KLHL1: variants seen among roughly 807,000 people sequenced by gnomAD.
KLHL1 encodes kelch like family member 1.
In KLHL1, 47 loss-of-function variants were observed where a neutral mutation model predicts 77.7. That is an observed-to-expected ratio of 0.60 (90% CI 0.48 to 0.77). The LOEUF (loss-of-function observed/expected upper bound fraction) is 0.77, where lower values mean the gene tolerates loss of function less well. Ranked by LOEUF, KLHL1 falls within the 30% of genes least tolerant of loss-of-function variation. The pLI is 0.00. For missense variants in KLHL1, 925 were observed against 910.8 expected (o/e 1.02, Z -0.20); for synonymous variants, 360 against 325.2 (o/e 1.11, Z -1.15).
chr13:69,905,828 C>T (rs886298520), intron 4 of KLHL1, among the ~76,000 whole-genome samples: 5 of 152,090 alleles, frequency 3.3e-5, no homozygotes, highest in Non-Finnish European at 7.4e-5. Flanking sequence ...CAGGATCACA[C>T]GACATACTCT....
intron 1 of KLHL1, among the ~76,000 whole-genome samples, chr13:70,032,144 T>C (rs963523613): frequency 6.6e-6 from 1 of 152,224 alleles, no homozygotes; most frequent in African/African-American, 2.4e-5. Context: ...GTATATCATC[T>C]GTGTAGTGCT....
chr13:69,844,886 C>T (rs1481595983), intron 5 of KLHL1, among the ~76,000 whole-genome samples: 1 of 151,502 alleles, frequency 6.6e-6, no homozygotes, highest in African/African-American at 2.4e-5. Flanking sequence ...CATCTTGGAA[C>T]TGGTACAGGA....
intron 5 of KLHL1, among the ~76,000 whole-genome samples, chr13:69,844,094 TATAAAA>T (rs1339439940): frequency 7.9e-5 from 12 of 151,542 alleles, no homozygotes; most frequent in South Asian, 2.1e-4. Flanking sequence ...AAATAAATTC[TATAAAA>T]ATAAAGTATT....
chr13:69,930,783 A>G (rs1001270829), intron 4 of KLHL1, among the ~76,000 whole-genome samples: 1 of 151,760 alleles, frequency 6.6e-6, no homozygotes, highest in Non-Finnish European at 1.5e-5. Flanking sequence ...AATCCAAACT[A>G]AGGCCATTAT....
At chr13:70,010,545 A>G (rs573851625) in intron 1 of KLHL1, among the ~76,000 whole-genome samples, 9 of 152,120 alleles carry the variant, frequency 5.9e-5, no homozygotes, top group Non-Finnish European at 1.3e-4. Flanking sequence ...ATGGGGGTAC[A>G]TAGTAAATAT....
chr13:69,776,167 T>A (rs1011317143), intron 7 of KLHL1, among the ~76,000 whole-genome samples: 10 of 150,684 alleles, frequency 6.6e-5, no homozygotes, highest in African/African-American at 2.5e-4. Context: ...GAAAAAAAAA[T>A]AAAAATAAAA....
intron 7 of KLHL1, among the ~76,000 whole-genome samples, chr13:69,783,158 C>T (rs1336310278): frequency 6.6e-6 from 1 of 152,044 alleles, no homozygotes. Flanking sequence ...AGGACATCCA[C>T]AACAAAAACC....
At chr13:69,914,048 C>G (rs1882332687) in intron 4 of KLHL1, among the ~76,000 whole-genome samples, 2 of 152,120 alleles carry the variant, frequency 1.3e-5, no homozygotes, top group Non-Finnish European at 2.9e-5. Flanking sequence ...CATTCTTTCC[C>G]CAATGCTGGA....
chr13:69,727,315 G>T (rs979295021), intron 8 of KLHL1, among the ~76,000 whole-genome samples: 1 of 152,110 alleles, frequency 6.6e-6, no homozygotes, highest in South Asian at 2.1e-4. Context: ...CTAGACTTGG[G>T]TTTGTTTATC....
intron 1 of KLHL1, among the ~76,000 whole-genome samples, chr13:70,091,949 G>C (rs542297641): frequency 1.3e-5 from 2 of 152,096 alleles, no homozygotes; most frequent in Non-Finnish European, 2.9e-5. Flanking sequence ...TCTTCTGCCT[G>C]GCAGCAGGGT....
intron 1 of KLHL1, among the ~76,000 whole-genome samples, chr13:69,998,599 C>T (rs1274775615): frequency 6.6e-6 from 1 of 152,022 alleles, no homozygotes; most frequent in African/African-American, 2.4e-5. Context: ...GTACTTATTT[C>T]TCCTGTTTCA....
intron 1 of KLHL1, among the ~76,000 whole-genome samples, chr13:70,092,085 G>C (rs1887683549): frequency 6.6e-6 from 1 of 152,104 alleles, no homozygotes; most frequent in South Asian, 2.1e-4. Context: ...AATAATCTGA[G>C]TGAGACTAGA....
chr13:69,783,136 T>TAACA (rs1255503761), intron 7 of KLHL1, among the ~76,000 whole-genome samples: 1 of 152,098 alleles, frequency 6.6e-6, no homozygotes, highest in African/African-American at 2.4e-5. Flanking sequence ...GAAGGAAAAC[T>TAACA]AACAAACAGA....
At chr13:70,043,517 T>C (rs184536643) in intron 1 of KLHL1, among the ~76,000 whole-genome samples, 2 of 152,320 alleles carry the variant, frequency 1.3e-5, no homozygotes, top group African/African-American at 4.8e-5. Flanking sequence ...TACTTACTCA[T>C]TGACTCATCC....
At chr13:69,990,347 A>C (rs1884995248) in intron 1 of KLHL1, among the ~76,000 whole-genome samples, 1 of 152,190 alleles carries the variant, frequency 6.6e-6, no homozygotes, top group South Asian at 2.1e-4. Context: ...AAATGGGATA[A>C]ATGTTCCAAT....
intron 1 of KLHL1, among the ~76,000 whole-genome samples, chr13:69,998,874 T>G (rs1178702890): frequency 2.0e-5 from 3 of 151,952 alleles, no homozygotes; most frequent in Admixed American, 2.0e-4. Flanking sequence ...CATTTTTTTG[T>G]GTCTCTAGAG....
chr13:69,892,381 C>T (rs915064660), intron 4 of KLHL1, among the ~76,000 whole-genome samples: 1 of 152,124 alleles, frequency 6.6e-6, no homozygotes, highest in Non-Finnish European at 1.5e-5. Flanking sequence ...GAAATGATTT[C>T]CAGTGCTTGA....
intron 6 of KLHL1, among the ~76,000 whole-genome samples, chr13:69,828,733 G>T (rs1302583507): frequency 6.7e-6 from 1 of 150,048 alleles, no homozygotes; most frequent in Admixed American, 6.7e-5. Context: ...TGGGAATAAG[G>T]CTGGCCTTGC....
intron 1 of KLHL1, among the ~76,000 whole-genome samples, chr13:70,046,008 G>T (rs1886486860): frequency 6.6e-6 from 1 of 152,036 alleles, no homozygotes; most frequent in African/African-American, 2.4e-5. Context: ...GTTGTTTTTT[G>T]TAATTTATTT....
Sources: allele counts gnomAD v4.1 joint callset (sites outside exome capture counted in the v4.1 genomes callset), GRCh38; gene constraint gnomAD v4.1.1; transcripts MANE v1.5; gene names NCBI Gene and HGNC (gene_info 2026-07-23, HGNC 2026-07-21).